The following LRP1B variants were observed in gnomAD, a reference collection of about 807,000 sequenced individuals.
LRP1B encodes the protein low-density lipoprotein receptor-related protein 1B.
Under a neutral mutation model 556.6 loss-of-function variants are expected in LRP1B, and 217 were observed. The observed-to-expected ratio is 0.39, with a 90% CI of 0.35 to 0.44. The LOEUF is 0.44. Among genes scored for constraint, LRP1B ranks in the 20% least tolerant of loss-of-function variants. LRP1B has a pLI of 1.00. For synonymous variants in LRP1B, 2,047 were observed against 1,865.8 expected (o/e 1.10, Z -2.50); for missense variants, 5,053 against 5,620.8 (o/e 0.90, Z 3.23).
intron 3 of LRP1B, among the ~76,000 whole-genome samples, chr2:141,347,802 C>T (rs1688306383): frequency 6.6e-6 from 1 of 151,892 alleles, no homozygotes; most frequent in South Asian, 2.1e-4. Context: ...CAGGATCTAG[C>T]AACATTTTTG....
intron 7 of LRP1B, among the ~76,000 whole-genome samples, chr2:141,125,093 A>G (rs905934604): frequency 2.6e-5 from 4 of 152,232 alleles, no homozygotes; most frequent in African/African-American, 9.6e-5. Context: ...GCTTAAAACA[A>G]TAGAACTTAA....
At chr2:140,761,890 A>G (rs1466395380) in intron 35 of LRP1B, among the ~76,000 whole-genome samples, 1 of 152,144 alleles carries the variant, frequency 6.6e-6, no homozygotes, top group Non-Finnish European at 1.5e-5. Flanking sequence ...AGTAATAGAT[A>G]ACTAATTTAA....
rs570087687 is a variant in LRP1B at position 140,547,453 on chromosome 2, A to G, written c.7195-5482T>C. Among the ~76,000 whole-genome samples the G allele has an allele frequency of 2.0e-4, 30 of 152,244 alleles. No individual in the cohort carries two copies. The South Asian group carries it at 6.0e-3, about 31-fold the overall frequency. On this transcript the variant is annotated intron_variant, in intron 43 of 90. Coordinates refer to ENST00000389484, the MANE Select transcript of LRP1B (RefSeq NM_018557.3). ...AGTGTGTGTGCACAGAGGTGCTCATAATATTCTCTGATGGTTATTTCTATT... is the reference window on the plus strand; with the variant it reads ...AGTGTGTGTGCACAGAGGTGCTCATGATATTCTCTGATGGTTATTTCTATT...
chr2:140,404,969 G>T (rs1228819194), intron 66 of LRP1B, among the ~76,000 whole-genome samples: 1 of 152,148 alleles, frequency 6.6e-6, no homozygotes, highest in Admixed American at 6.5e-5. Flanking sequence ...TAGATGATAT[G>T]ATAGGCTGCA....
chr2:140,445,686 T>C (rs1686627685), intron 63 of LRP1B, among the ~76,000 whole-genome samples: 3 of 152,154 alleles, frequency 2.0e-5, no homozygotes, highest in Admixed American at 1.3e-4. Context: ...CCCCTTCACA[T>C]ACAGTTACTA....
chr2:142,125,338 G>A (rs535441989), intron 1 of LRP1B, among the ~76,000 whole-genome samples: 2 of 151,832 alleles, frequency 1.3e-5, no homozygotes, highest in East Asian at 1.9e-4. Context: ...GGGTTCATAT[G>A]TACTTGGTGA....
intron 9 of LRP1B, 111 bp from the exon 10 acceptor site, chr2:141,055,370 A>G: frequency 1.9e-6 from 2 of 1,056,930 alleles, no homozygotes; most frequent in East Asian, 2.6e-5. Context: ...TCTTAGCAAA[A>G]TTTTGTATAC....
intron 2 of LRP1B, among the ~76,000 whole-genome samples, chr2:141,535,286 G>A (rs138980642): frequency 1.6e-4 from 25 of 152,090 alleles, no homozygotes; most frequent in Non-Finnish European, 1.0e-4. Flanking sequence ...CAGTAGCTGC[G>A]GAATACTTCC....
chr2:140,453,002 T>G (rs1310153578), intron 62 of LRP1B, among the ~76,000 whole-genome samples: 2 of 147,122 alleles, frequency 1.4e-5, no homozygotes, highest in Non-Finnish European at 3.0e-5. Context: ...TGGAGAAAAC[T>G]TATCTTTATA....
At chr2:141,595,726 C>T (rs1260543274) in intron 2 of LRP1B, among the ~76,000 whole-genome samples, 1 of 152,008 alleles carries the variant, frequency 6.6e-6, no homozygotes, top group Non-Finnish European at 1.5e-5. Flanking sequence ...CACAGGTTCC[C>T]GTTGCCATCA....
At chr2:140,598,595 A>G (rs1682532169) in intron 43 of LRP1B, 36 bp downstream of exon 43, 1 of 1,475,094 alleles carries the variant, frequency 6.8e-7, no homozygotes, top group Non-Finnish European at 9.5e-7. Flanking sequence ...ATATCATTGT[A>G]TAACTCTATA....
At chr2:140,506,981 G>A in intron 52 of LRP1B, 63 bp from the exon 53 acceptor site, 1 of 1,485,622 alleles carries the variant, frequency 6.7e-7, no homozygotes, top group East Asian at 2.3e-5. Flanking sequence ...CCCTATATTA[G>A]GAGCTTGGGG....
Position 141,170,864 on chromosome 2 carries a change from G to C in LRP1B, c.1013+17557C>G, listed in dbSNP as rs532598304. On this transcript the variant is annotated intron_variant, in intron 7 of 90. Coordinates refer to ENST00000389484, the MANE Select transcript of LRP1B (RefSeq NM_018557.3). The stretch of plus-strand genomic sequence containing the variant: ...ATTTGTGAAATTGGATTGTAACTGA[G>C]TGAGAATGTGGAATTTCTGGATGTC... Among the ~76,000 whole-genome samples, 27 of 152,238 alleles carry C rather than the reference G, an allele frequency of 1.8e-4. No homozygotes were observed. In the South Asian group the frequency reaches 5.6e-3, roughly 32 times the overall value.
intron 1 of LRP1B, among the ~76,000 whole-genome samples, chr2:142,128,156 G>C (rs1707723579): frequency 6.6e-6 from 1 of 152,106 alleles, no homozygotes; most frequent in African/African-American, 2.4e-5. Flanking sequence ...AAACATACGA[G>C]TTAGTTTCAA....
At chr2:141,375,096 G>A (rs1689378325) in intron 3 of LRP1B, among the ~76,000 whole-genome samples, 1 of 151,926 alleles carries the variant, frequency 6.6e-6, no homozygotes, top group Non-Finnish European at 1.5e-5. Flanking sequence ...TTTGATTTTG[G>A]GTGCCTGTGG....
chr2:140,490,566 T>C (rs1688656390), intron 57 of LRP1B, among the ~76,000 whole-genome samples: 1 of 152,128 alleles, frequency 6.6e-6, no homozygotes, highest in South Asian at 2.1e-4. Flanking sequence ...ATTTTGGCTG[T>C]GAGAAAATGT....
intron 4 of LRP1B, among the ~76,000 whole-genome samples, chr2:141,249,182 G>A (rs879747415): frequency 1.1e-4 from 16 of 152,100 alleles, no homozygotes; most frequent in Non-Finnish European, 1.3e-4. Flanking sequence ...GAAGTCAATA[G>A]CATATATATA....
intron 1 of LRP1B, among the ~76,000 whole-genome samples, chr2:142,034,004 A>G (rs538434708): frequency 1.6e-4 from 25 of 151,892 alleles, no homozygotes; most frequent in Admixed American, 3.9e-4. Flanking sequence ...ATTGTAGTCT[A>G]TAATGTTCCC....
chr2:140,536,657 C>G lies in LRP1B; in HGVS notation c.7566G>C (p.Glu2522Asp), dbSNP rs768282543. ...CACAGGTGAGCTGGTAGTCAATGCA[C>G]TCACCATTTCCACATTCAAACTCCG... Reference protein sequence around the residue: ...AYSEFECGNGECIDYQLTCDG... With the variant: ...AYSEFECGNGDCIDYQLTCDG... Residue 2522 changes from glutamate (E) to aspartate (D), a missense_variant, in exon 46 of 91, where the codon GAG becomes GAC. By Grantham distance (45) the Glu-to-Asp change is conservative. This residue lies in a region of LRP1B where 3,619 missense variants were observed against 3,931.9 expected (regional missense o/e 0.92). Coordinates refer to ENST00000389484, the MANE Select transcript of LRP1B (RefSeq NM_018557.3). The G allele has an allele frequency of 1.2e-6, 2 of 1,610,618 alleles. No individual in the cohort carries two copies. Among genetic ancestry groups the G allele is most frequent in the Non-Finnish European group, 1.7e-6 (2 of 1,178,492 alleles).
Sources: gnomAD v4.1 joint callset for allele counts (sites outside exome capture counted in the v4.1 genomes callset) on GRCh38, gnomAD v4.1.1 for gene constraint, gnomAD v4.1.1 regional missense constraint, MANE v1.5 for transcripts, NCBI Gene and HGNC (gene_info 2026-07-23, HGNC 2026-07-21) for gene names.